The following ERGIC3 variants were observed in gnomAD, a reference collection of about 807,000 sequenced individuals.
ERGIC3 encodes the protein endoplasmic reticulum-Golgi intermediate compartment protein 3.
ERGIC3 carries 33 observed loss-of-function variants against 54.7 expected under a neutral mutation model. That is an observed-to-expected ratio of 0.60 (90% CI 0.46 to 0.81). ERGIC3 has a LOEUF of 0.81. Among genes scored for constraint, ERGIC3 ranks in the 30% least tolerant of loss-of-function variants. ERGIC3 has a pLI of 0.00. For missense variants in ERGIC3, 399 were observed against 488.4 expected, an observed-to-expected ratio of 0.82 and a Z score of 1.73; for synonymous variants, 186 against 189.8, an observed-to-expected ratio of 0.98 and a Z score of 0.16.
rs2064704288 is a variant in ERGIC3 at position 35,555,174 on chromosome 20, T to C, written c.717+99T>C. 7 of 1,359,270 alleles carry C rather than the reference T, an allele frequency of 5.1e-6. No homozygotes were observed. In the Middle Eastern group the frequency reaches 5.4e-4, roughly 105 times the overall value. 84.2% of individuals were successfully genotyped at this position (1,359,270 alleles called of 1,614,324 possible). A position where few individuals can be genotyped will look rare whatever the true frequency, so the allele number is the denominator to read the frequency against. Reference sequence around the variant, plus strand: ...GAACATCCTGGGATGGGGTAGTGCATATGGAAAAATACACCACGTTCTGAA... The same window carrying C: ...GAACATCCTGGGATGGGGTAGTGCACATGGAAAAATACACCACGTTCTGAA... On this transcript the variant is annotated intron_variant, in intron 8 of 12. Transcript: ENST00000348547.
intron 10 of ERGIC3, 46 bp from the exon 11 acceptor site, chr20:35,556,927 C>T: frequency 6.2e-7 from 1 of 1,612,426 alleles, no homozygotes; most frequent in Non-Finnish European, 8.5e-7. Flanking sequence ...GTGGCTGGAG[C>T]CAGGTCCTAG....
chr20:35,553,503 G>A (rs966991979), intron 7 of ERGIC3, among the ~76,000 whole-genome samples: 6 of 152,142 alleles, frequency 3.9e-5, no homozygotes, highest in Admixed American at 3.9e-4. Context: ...GAAGGTGGGA[G>A]TTGGTGTCAC....
intron 8 of ERGIC3, among the ~76,000 whole-genome samples, chr20:35,555,492 T>G (rs1431291291): frequency 6.6e-6 from 1 of 152,062 alleles, no homozygotes; most frequent in Non-Finnish European, 1.5e-5. Context: ...CACGACATAA[T>G]CAGATTTGCA....
Position 35,553,020 on chromosome 20 carries a change from ATTTTTTTTTTTTT to A in ERGIC3, c.686-2008_686-1996del, listed in dbSNP as rs141438822. Reference sequence around the variant, plus strand: ...TTTGCCCTGAGCTTCAAAGCTGGGGATTTTTTTTTTTTTTTTTTTTTTTTTTTTGAGGCTGGAG... The same window carrying A: ...TTTGCCCTGAGCTTCAAAGCTGGGGATTTTTTTTTTTTTTTGAGGCTGGAG... On this transcript the variant is annotated intron_variant, in intron 7 of 12. Coordinates refer to ENST00000348547, the MANE Select transcript of ERGIC3 (RefSeq NM_015966.3). Among the ~76,000 whole-genome samples the A allele has an allele frequency of 8.2e-4, 34 of 41,564 alleles. 2 individuals carry two copies. In the Admixed American group the frequency reaches 0.011, roughly 13 times the overall value. The allele number at this position is 41,564 out of a possible 152,430, so 27.3% of individuals were successfully genotyped here.
chr20:35,548,660 T>C lies in ERGIC3; in HGVS notation c.613T>C (p.Leu205=). 6.2e-7 allele frequency: 1 copy of C among 1,614,212 alleles called. No individual in the cohort carries two copies. Among genetic ancestry groups the C allele is most frequent in the South Asian group, 1.1e-5 (1 of 91,086 alleles). ...KNEGCQVYGF[L]EVNKVAGNFH... ...TGAAGGCTGCCAGGTGTATGGCTTCTTGGAAGTCAATAAGGTATCAGGAGG... is the reference window on the plus strand; with the variant it reads ...TGAAGGCTGCCAGGTGTATGGCTTCCTGGAAGTCAATAAGGTATCAGGAGG... The change falls in exon 6 of 13, where the codon TTG becomes CTG. Residue 205 remains leucine, a synonymous_variant. Transcript: ENST00000348547.
In ERGIC3 at chr20:35,556,172, G is replaced by A. The variant is rs989944309; in HGVS notation, c.815-35G>A. ...AGCCCCCAGCCGCAGAAGGCCGGCC[G>A]GGCACCCATACCCAGTGCTTTGTTT... is the stretch of plus-strand genomic sequence containing the variant. On this transcript the variant is annotated intron_variant, in intron 9 of 12. Coordinates refer to ENST00000348547, the MANE Select transcript of ERGIC3 (RefSeq NM_015966.3). 5.0e-6 allele frequency: 8 copies of A among 1,613,964 alleles called. No individual in the cohort carries two copies. In the African/African-American group the frequency reaches 5.3e-5, roughly 11 times the overall value.
chr20:35,542,447 C>T (rs1407496133), intron 2 of ERGIC3, 54 bp downstream of exon 2: 3 of 1,613,612 alleles, frequency 1.9e-6, no homozygotes, highest in African/African-American at 1.3e-5. Context: ...GGAGTAGGAC[C>T]TTTAGGGGTG....
At chr20:35,542,996 T>C in intron 4 of ERGIC3, 55 bp downstream of exon 4, 1 of 1,610,262 alleles carries the variant, frequency 6.2e-7, no homozygotes, top group Non-Finnish European at 8.5e-7. Flanking sequence ...TACCCAAGCC[T>C]ATCTGCTAGC....
At chr20:35,544,301 G>A (rs1023498097) in intron 4 of ERGIC3, 23 of 196,336 alleles carry the variant, frequency 1.2e-4, no homozygotes, top group African/African-American at 5.0e-4. Context: ...TGATCCACCC[G>A]CCTCAGCCTT....
chr20:35,554,647 G>A (rs1194370316), intron 7 of ERGIC3, among the ~76,000 whole-genome samples: 1 of 152,212 alleles, frequency 6.6e-6, no homozygotes, highest in Non-Finnish European at 1.5e-5. Flanking sequence ...TTTGAGGGTG[G>A]AGGCAGGGAA....
intron 10 of ERGIC3, chr20:35,556,724 C>A: frequency 1.7e-6 from 1 of 583,722 alleles, no homozygotes; most frequent in Non-Finnish European, 3.1e-6. Context: ...CCCGTGAGAA[C>A]ACCCACCAAA....
rs368395244 is a variant in ERGIC3 at position 35,542,121 on chromosome 20, G to A, written c.24G>A (p.Lys8=). Residue 8 remains lysine (K), a synonymous_variant, in exon 1 of 13, where the codon AAG becomes AAA. Transcript: ENST00000348547. Reference sequence around the variant, plus strand: ...CCATGGAGGCGCTGGGGAAGCTGAAGCAGTTCGATGCCTACCCCAAGACTT... The same window carrying A: ...CCATGGAGGCGCTGGGGAAGCTGAAACAGTTCGATGCCTACCCCAAGACTT... MEALGKL[K]QFDAYPKTLE... is the part of the protein sequence containing the mutation. 21 of 1,559,022 alleles carry A rather than the reference G, an allele frequency of 1.3e-5. No individual in the cohort carries two copies. Among genetic ancestry groups the A allele is most frequent in the Non-Finnish European group, 1.7e-5 (20 of 1,153,242 alleles).
In ERGIC3 at chr20:35,553,020, ATTTTTTTTTTTT is replaced by A. The variant is rs141438822; in HGVS notation, c.686-2007_686-1996del. 1.4e-3 allele frequency among the ~76,000 whole-genome samples: 58 copies of A among 41,564 alleles called. 1 individual carries two copies. Among genetic ancestry groups the A allele is most frequent in the Non-Finnish European group, 1.9e-3 (44 of 22,884 alleles). The allele number at this position is 41,564 out of a possible 152,430, so 27.3% of individuals were successfully genotyped here. A position where few individuals can be genotyped will look rare whatever the true frequency, so the allele number is the denominator to read the frequency against. ...TTTGCCCTGAGCTTCAAAGCTGGGG[ATTTTTTTTTTTT>A]TTTTTTTTTTTTTTTTGAGGCTGGA... is the stretch of plus-strand genomic sequence containing the variant. On this transcript the variant is annotated intron_variant, in intron 7 of 12. Coordinates refer to ENST00000348547, the MANE Select transcript of ERGIC3 (RefSeq NM_015966.3).
intron 10 of ERGIC3, 95 bp from the exon 11 acceptor site, chr20:35,556,878 C>T: frequency 6.4e-7 from 1 of 1,560,476 alleles, no homozygotes; most frequent in Non-Finnish European, 8.8e-7. Flanking sequence ...ACGGCCAAGG[C>T]TCAACAGGAA....
Position 35,556,047 on chromosome 20 carries a change from C to T in ERGIC3, c.732C>T (p.His244=). ...SFGLDNINMT[H]YIQHLSFGED... The stretch of plus-strand genomic sequence containing the variant: ...GTTGTTTACAGATCAACATGACCCA[C>T]TACATCCAGCACCTGTCATTTGGGG... Residue 244 remains histidine (H), a synonymous_variant, in exon 9 of 13, where the codon CAC becomes CAT. Coordinates refer to ENST00000348547, the MANE Select transcript of ERGIC3 (RefSeq NM_015966.3). 2 of 1,614,122 alleles carry T rather than the reference C, an allele frequency of 1.2e-6. No individual in the cohort carries two copies. The highest frequency in any genetic ancestry group is 1.7e-6 in the Non-Finnish European group (2 of 1,180,012).
At chr20:35,548,433 C>T (rs1189877463) in intron 5 of ERGIC3, 76 bp from the exon 6 acceptor site, 6 of 1,502,682 alleles carry the variant, frequency 4.0e-6, no homozygotes, top group South Asian at 3.8e-5. Context: ...CAGAGCTGCT[C>T]GGGCTCTATT....
chr20:35,542,230 G>A (rs749636700), intron 1 of ERGIC3, 45 bp downstream of exon 1: 3 of 1,604,578 alleles, frequency 1.9e-6, no homozygotes, highest in East Asian at 2.2e-5. Context: ...GGGCGTCCTA[G>A]AGCTTAGCCC....
At chr20:35,544,016 ATC>A (rs1449056227) in intron 4 of ERGIC3, 199 of 21,684 alleles carry the variant, frequency 9.2e-3, no homozygotes, top group Middle Eastern at 0.034. Flanking sequence ...AGAATCTACT[ATC>A]TATCTATCTA....
intron 4 of ERGIC3, chr20:35,543,249 T>G: frequency 2.8e-6 from 1 of 363,334 alleles, no homozygotes; most frequent in South Asian, 2.2e-5. Flanking sequence ...ACTGTCTAGA[T>G]GGACCCAGGC....
Sources: allele counts gnomAD v4.1 joint callset (sites outside exome capture counted in the v4.1 genomes callset), GRCh38; gene constraint gnomAD v4.1.1; transcripts MANE v1.5; gene names NCBI Gene and HGNC (gene_info 2026-07-23, HGNC 2026-07-21).